The following UGT2B7 variants were observed in gnomAD, a reference collection of about 807,000 sequenced individuals.
The protein encoded by UGT2B7 is UDP glucuronosyltransferase family 2 member B7.
A neutral mutation model predicts 51.9 loss-of-function variants in UGT2B7; 51 were observed. That is an observed-to-expected ratio of 0.98 (90% CI 0.78 to 1.24). The LOEUF (loss-of-function observed/expected upper bound fraction) is 1.24. Among genes scored for constraint, UGT2B7 ranks in the 50% most tolerant of loss-of-function variants. The pLI is 0.00. For missense variants in UGT2B7, 727 were observed against 628.4 expected, an observed-to-expected ratio of 1.16 and a Z score of -1.68; for synonymous variants, 225 against 211.6, an observed-to-expected ratio of 1.06 and a Z score of -0.55.
intron 1 of UGT2B7, among the ~76,000 whole-genome samples, chr4:69,062,818 A>T (rs1718378336): frequency 6.6e-6 from 1 of 152,176 alleles, no homozygotes; most frequent in Non-Finnish European, 1.5e-5. Context: ...TCGTCATCAG[A>T]TGAATAAATG....
At chr4:69,091,117 C>T (rs1489370890) in intron 2 of UGT2B7, among the ~76,000 whole-genome samples, 1 of 152,164 alleles carries the variant, frequency 6.6e-6, no homozygotes. Flanking sequence ...TATCATGTTA[C>T]CTGCCTAATT....
intron 1 of UGT2B7, among the ~76,000 whole-genome samples, chr4:69,063,989 A>G (rs1718414661): frequency 6.7e-6 from 1 of 149,636 alleles, no homozygotes; most frequent in African/African-American, 2.5e-5. Context: ...AATTCCATTT[A>G]CAGGAGGCAT....
chr4:69,055,810 A>G (rs564762805), intron 1 of UGT2B7, among the ~76,000 whole-genome samples: 7 of 152,320 alleles, frequency 4.6e-5, no homozygotes, highest in African/African-American at 9.6e-5. Flanking sequence ...ATTAGACAGT[A>G]TTGCATATCT....
Position 69,102,909 on chromosome 4 carries a change from G to T in UGT2B7, c.973G>T (p.Ala325Ser), listed in dbSNP as rs1479676448. The part of the protein sequence containing the change: ...NMTEERANVI[A>S]SALAQIPQKV... ...GACAGAAGAAAGGGCCAACGTAATT[G>T]CATCAGCCCTGGCCCAGATCCCACA... Residue 325 changes from alanine (A) to serine (S), a missense_variant, in exon 3 of 6, where the codon GCA (alanine) becomes TCA (serine). Ala to Ser is a moderately conservative substitution (Grantham distance 99). Coordinates refer to ENST00000305231, the MANE Select transcript of UGT2B7 (RefSeq NM_001074.4). 1.9e-6 allele frequency: 3 copies of T among 1,613,438 alleles called. No individual in the cohort carries two copies. In the South Asian group the frequency reaches 3.3e-5, roughly 18 times the overall value.
chr4:69,096,619 CA>C lies in UGT2B7; in HGVS notation c.100del (p.Ser34AlafsTer4). The C allele has an allele frequency of 6.2e-7, 1 of 1,614,028 alleles. No individual in the cohort carries two copies. Among genetic ancestry groups the C allele is most frequent in the Non-Finnish European group, 8.5e-7 (1 of 1,179,916 alleles). Reference protein sequence around the residue: ...GKVLVWAAEYSHWMNIKTILD... With the variant: ...GKVLVWAAEYXHWMNIKTILD... The stretch of plus-strand genomic sequence containing the variant: ...AGGTGCTGGTGTGGGCAGCAGAATA[CA>C]GCCATTGGATGAATATAAAGACAAT... On this transcript the variant is annotated frameshift_variant, in exon 1 of 6. Coordinates refer to ENST00000305231, the MANE Select transcript of UGT2B7 (RefSeq NM_001074.4). LOFTEE classifies it high-confidence loss of function.
intron 1 of UGT2B7, among the ~76,000 whole-genome samples, chr4:69,063,471 A>G (rs565118324): frequency 1.3e-5 from 2 of 152,304 alleles, no homozygotes; most frequent in South Asian, 4.1e-4. Context: ...ACTTGAAATC[A>G]TCACTAATGA....
At chr4:69,055,127 G>C (rs780690117) in intron 1 of UGT2B7, among the ~76,000 whole-genome samples, 1 of 57,642 alleles carries the variant, frequency 1.7e-5, no homozygotes. Flanking sequence ...AAAAAAAAAA[G>C]AAAGGTCCCC....
chr4:69,106,047 A>C (rs1719587148), intron 3 of UGT2B7, among the ~76,000 whole-genome samples: 1 of 152,164 alleles, frequency 6.6e-6, no homozygotes, highest in African/African-American at 2.4e-5. Context: ...GGAATAGCTA[A>C]AATTTTTATA....
chr4:69,100,640 G>A (rs1342996277), intron 2 of UGT2B7, among the ~76,000 whole-genome samples: 1 of 151,988 alleles, frequency 6.6e-6, no homozygotes, highest in African/African-American at 2.4e-5. Context: ...AAAACTGATA[G>A]TGTCAGTAGG....
At chr4:69,088,474 A>G (rs1719009858) in intron 1 of UGT2B7, among the ~76,000 whole-genome samples, 1 of 152,112 alleles carries the variant, frequency 6.6e-6, no homozygotes, top group South Asian at 2.1e-4. Flanking sequence ...ACTTAAAACT[A>G]GACTTGCAGT....
At chr4:69,079,424 G>A (rs1013233780) in intron 1 of UGT2B7, among the ~76,000 whole-genome samples, 17 of 152,174 alleles carry the variant, frequency 1.1e-4, no homozygotes, top group Non-Finnish European at 2.2e-4. Flanking sequence ...CATGGCACAT[G>A]TATACATACG....
chr4:69,069,218 G>T (rs964007793), intron 1 of UGT2B7, among the ~76,000 whole-genome samples: 1 of 151,920 alleles, frequency 6.6e-6, no homozygotes, highest in Non-Finnish European at 1.5e-5. Flanking sequence ...CTCTTGGTCA[G>T]CGCCAACTTC....
At chr4:69,098,450 T>A in intron 1 of UGT2B7, 90 bp from the exon 2 acceptor site, 1 of 1,462,390 alleles carries the variant, frequency 6.8e-7, no homozygotes, top group African/African-American at 1.4e-5. Context: ...TTTGCCTACA[T>A]TTTTGCCTAC....
At chr4:69,068,083 T>A (rs1250263756) in intron 1 of UGT2B7, among the ~76,000 whole-genome samples, 1 of 152,108 alleles carries the variant, frequency 6.6e-6, no homozygotes, top group African/African-American at 2.4e-5. Context: ...ATTTAAAAGG[T>A]TACCATAATA....
intron 5 of UGT2B7, 113 bp downstream of exon 5, chr4:69,108,435 G>T: frequency 1.6e-6 from 2 of 1,249,252 alleles, no homozygotes; most frequent in Non-Finnish European, 2.2e-6. Context: ...GAATTTAAAT[G>T]ATTTAACCAA....
At chr4:69,108,864 A>G (rs570031044) in intron 5 of UGT2B7, among the ~76,000 whole-genome samples, 42 of 152,222 alleles carry the variant, frequency 2.8e-4, no homozygotes, top group African/African-American at 1.0e-3. Context: ...GAACATTTTT[A>G]TCAACACAAA....
At chr4:69,089,033 T>C (rs1719026437) in intron 1 of UGT2B7, among the ~76,000 whole-genome samples, 1 of 152,164 alleles carries the variant, frequency 6.6e-6, no homozygotes, top group African/African-American at 2.4e-5. Context: ...TTTCTTCTTC[T>C]CTTTTTAGCT....
At chr4:69,055,797 A>G (rs1436799365) in intron 1 of UGT2B7, among the ~76,000 whole-genome samples, 2 of 152,206 alleles carry the variant, frequency 1.3e-5, no homozygotes, top group African/African-American at 4.8e-5. Flanking sequence ...AAAAGTCTCA[A>G]TTATTAGACA....
chr4:69,087,934 G>A (rs1011102068), intron 1 of UGT2B7, among the ~76,000 whole-genome samples: 10 of 151,614 alleles, frequency 6.6e-5, no homozygotes, highest in South Asian at 6.3e-4. Flanking sequence ...AATACTCTTC[G>A]GATTAAATTT....
Sources: gnomAD v4.1 joint callset for allele counts (sites outside exome capture counted in the v4.1 genomes callset) on GRCh38, gnomAD v4.1.1 for gene constraint, MANE v1.5 for transcripts, NCBI Gene and HGNC (gene_info 2026-07-23, HGNC 2026-07-21) for gene names.